Variants in NCAM2 observed in about 807,000 individuals in gnomAD.
NCAM2 encodes neural cell adhesion molecule 2.
A neutral mutation model predicts 98.1 loss-of-function variants in NCAM2; 30 were observed. The ratio of observed to expected loss-of-function variants is 0.31; its 90% CI spans 0.23 to 0.41. The LOEUF is 0.41. Among genes scored for constraint, NCAM2 ranks in the 10% least tolerant of loss-of-function variants. The pLI, the probability that NCAM2 is intolerant of heterozygous loss-of-function variation, is 1.00. For missense variants in NCAM2, 867 were observed against 1,005.8 expected, an observed-to-expected ratio of 0.86 and a Z score of 1.87; for synonymous variants, 368 against 342.4, an observed-to-expected ratio of 1.07 and a Z score of -0.83.
At chr21:21,254,041 C>T (rs890625351) in intron 1 of NCAM2, among the ~76,000 whole-genome samples, 2 of 152,050 alleles carry the variant, frequency 1.3e-5, no homozygotes, top group Admixed American at 6.6e-5. Context: ...ATTTGTCAAA[C>T]CAAAAACTTA....
At chr21:21,426,864 C>T (rs2077224738) in intron 11 of NCAM2, among the ~76,000 whole-genome samples, 2 of 152,248 alleles carry the variant, frequency 1.3e-5, no homozygotes, top group Middle Eastern at 6.8e-3. Context: ...AGATTTTAGC[C>T]TGCAATTTCT....
chr21:21,337,613 A>C (rs2147870883), intron 7 of NCAM2, among the ~76,000 whole-genome samples: 1 of 152,166 alleles, frequency 6.6e-6, no homozygotes, highest in South Asian at 2.1e-4. Context: ...GCAAACATTT[A>C]GGAAATACAA....
intron 4 of NCAM2, among the ~76,000 whole-genome samples, chr21:21,290,938 G>T (rs909366473): frequency 6.6e-6 from 1 of 151,742 alleles, no homozygotes; most frequent in Non-Finnish European, 1.5e-5. Context: ...TCCTTTCCAC[G>T]ATCAGGCTGA....
chr21:21,205,191 A>G (rs879288021), intron 1 of NCAM2, among the ~76,000 whole-genome samples: 3 of 152,216 alleles, frequency 2.0e-5, no homozygotes, highest in Non-Finnish European at 4.4e-5. Flanking sequence ...AAAATTAAAT[A>G]TATTTTAATA....
At chr21:21,085,422 G>T (rs892156086) in intron 1 of NCAM2, among the ~76,000 whole-genome samples, 2 of 151,982 alleles carry the variant, frequency 1.3e-5, no homozygotes, top group Admixed American at 6.6e-5. Flanking sequence ...CACTGGCTGG[G>T]TTCCTCAGCT....
intron 1 of NCAM2, among the ~76,000 whole-genome samples, chr21:21,066,028 G>A (rs2065429608): frequency 1.3e-5 from 2 of 152,126 alleles, no homozygotes; most frequent in Non-Finnish European, 2.9e-5. Flanking sequence ...TGAGCAGGGA[G>A]TGTCCTTGTT....
intron 15 of NCAM2, among the ~76,000 whole-genome samples, chr21:21,480,675 T>C (rs564752422): frequency 6.6e-6 from 1 of 152,224 alleles, no homozygotes; most frequent in Non-Finnish European, 1.5e-5. Flanking sequence ...AGAAAAGTTG[T>C]ATGAAGAGAT....
chr21:21,050,314 C>T (rs2065082466), intron 1 of NCAM2, among the ~76,000 whole-genome samples: 2 of 152,082 alleles, frequency 1.3e-5, no homozygotes, highest in Admixed American at 6.5e-5. Flanking sequence ...TATGCCAAAA[C>T]CTGATTTTAG....
At chr21:21,447,336 T>C (rs1271734369) in intron 12 of NCAM2, among the ~76,000 whole-genome samples, 3 of 152,110 alleles carry the variant, frequency 2.0e-5, no homozygotes, top group African/African-American at 7.2e-5. Flanking sequence ...CTGGGAAAAC[T>C]GGCTAGCAAT....
intron 1 of NCAM2, among the ~76,000 whole-genome samples, chr21:21,267,678 C>T (rs1262671106): frequency 6.6e-6 from 1 of 152,088 alleles, no homozygotes; most frequent in Admixed American, 6.6e-5. Context: ...AAATTACATA[C>T]ATTTGTCTTT....
chr21:21,514,595 C>T (rs1315444845), intron 16 of NCAM2, among the ~76,000 whole-genome samples: 2 of 151,782 alleles, frequency 1.3e-5, no homozygotes, highest in Non-Finnish European at 2.9e-5. Context: ...ATCCTGAGGT[C>T]AGTAAGGCCC....
At chr21:21,014,330 A>G (rs763521204) in intron 1 of NCAM2, among the ~76,000 whole-genome samples, 9 of 151,988 alleles carry the variant, frequency 5.9e-5, no homozygotes, top group Non-Finnish European at 1.2e-4. Context: ...AGGCTGAGGC[A>G]GAAGAATAGC....
chr21:21,109,903 T>C (rs1461675461), intron 1 of NCAM2, among the ~76,000 whole-genome samples: 2 of 152,216 alleles, frequency 1.3e-5, no homozygotes, highest in African/African-American at 2.4e-5. Context: ...ACAGGGTATG[T>C]ATTTTCTGTG....
intron 16 of NCAM2, among the ~76,000 whole-genome samples, chr21:21,516,145 A>G (rs1264928321): frequency 6.6e-6 from 1 of 152,160 alleles, no homozygotes; most frequent in Non-Finnish European, 1.5e-5. Context: ...ATTACTCCCC[A>G]AAGAACCACA....
At chr21:21,040,515 T>C (rs2064883419) in intron 1 of NCAM2, among the ~76,000 whole-genome samples, 1 of 151,978 alleles carries the variant, frequency 6.6e-6, no homozygotes, top group Non-Finnish European at 1.5e-5. Flanking sequence ...TAGTAAGTGC[T>C]CACAAGGATA....
chr21:21,231,490 A>G (rs1391592849), intron 1 of NCAM2, among the ~76,000 whole-genome samples: 2 of 151,458 alleles, frequency 1.3e-5, no homozygotes, highest in Non-Finnish European at 3.0e-5. Flanking sequence ...ATTTTATACT[A>G]TAGAATTAAT....
intron 1 of NCAM2, among the ~76,000 whole-genome samples, chr21:21,100,717 G>A (rs2146486801): frequency 6.6e-6 from 1 of 152,010 alleles, no homozygotes; most frequent in African/African-American, 2.4e-5. Context: ...TGCTTAAACT[G>A]CCCTTTAACC....
intron 5 of NCAM2, among the ~76,000 whole-genome samples, chr21:21,317,965 T>C (rs1201908306): frequency 1.3e-5 from 2 of 152,220 alleles, no homozygotes; most frequent in Non-Finnish European, 2.9e-5. Context: ...GCAATCAGTC[T>C]TTCCTGATAT....
At chr21:21,110,243 A>G (rs1403410591) in intron 1 of NCAM2, among the ~76,000 whole-genome samples, 3 of 152,202 alleles carry the variant, frequency 2.0e-5, no homozygotes, top group Non-Finnish European at 4.4e-5. Flanking sequence ...TAAGAGTGTC[A>G]GGAATTTGGC....
Sources: gnomAD v4.1 joint callset for allele counts (sites outside exome capture counted in the v4.1 genomes callset) on GRCh38, gnomAD v4.1.1 for gene constraint, MANE v1.5 for transcripts, NCBI Gene and HGNC (gene_info 2026-07-23, HGNC 2026-07-21) for gene names.